AGBL4: variants seen among roughly 807,000 people sequenced by gnomAD.
AGBL4 encodes the protein cytosolic carboxypeptidase 6.
AGBL4 carries 58 observed loss-of-function variants against 66.4 expected under a neutral mutation model. That is an observed-to-expected ratio of 0.87 (90% CI 0.71 to 1.09). AGBL4 has a LOEUF of 1.09. Ranked by LOEUF, AGBL4 falls within the 50% of genes least tolerant of loss-of-function variation. AGBL4 has a pLI of 0.00. For missense variants in AGBL4, 579 were observed against 631.0 expected (o/e 0.92, Z 0.88); for synonymous variants, 234 against 222.9 (o/e 1.05, Z -0.44).
intron 13 of AGBL4, 29 bp from the exon 14 acceptor site, chr1:48,534,322 G>C: frequency 1.9e-6 from 3 of 1,542,908 alleles, no homozygotes; most frequent in Non-Finnish European, 2.6e-6. Flanking sequence ...CAGAAAGAGA[G>C]AAGACAGCCC....
intron 3 of AGBL4, among the ~76,000 whole-genome samples, chr1:49,511,095 C>T (rs1649198318): frequency 6.6e-6 from 1 of 151,840 alleles, no homozygotes; most frequent in South Asian, 2.1e-4. Flanking sequence ...CCCAGCCATC[C>T]CATTACTGGG....
chr1:49,326,428 T>C lies in AGBL4; in HGVS notation c.283-80564A>G, dbSNP rs547290171. On this transcript the variant is annotated intron_variant, in intron 3 of 13. Coordinates refer to ENST00000371839, the MANE Select transcript of AGBL4 (RefSeq NM_032785.4). ...TGAGGTTAATTCTTCAAGGGAATAT[T>C]TGAATAGATAGCCTAAAGCTTAGAG... is the stretch of plus-strand genomic sequence containing the variant. Among the ~76,000 whole-genome samples the C allele has an allele frequency of 2.6e-5, 4 of 152,288 alleles. 1 individual carries two copies. The South Asian group carries it at 8.3e-4, about 32-fold the overall frequency.
At chr1:49,656,624 C>A (rs191836136) in intron 3 of AGBL4, among the ~76,000 whole-genome samples, 1 of 152,216 alleles carries the variant, frequency 6.6e-6, no homozygotes, top group East Asian at 1.9e-4. Context: ...ACTGGCAAAC[C>A]GAATCCAGCA....
At chr1:49,943,350 C>A (rs1177652565) in intron 1 of AGBL4, among the ~76,000 whole-genome samples, 2 of 152,140 alleles carry the variant, frequency 1.3e-5, no homozygotes, top group African/African-American at 4.8e-5. Flanking sequence ...AACTTTTGCT[C>A]TAGAACTACT....
chr1:49,707,706 A>G (rs1021630624), intron 2 of AGBL4, among the ~76,000 whole-genome samples: 2 of 151,734 alleles, frequency 1.3e-5, no homozygotes, highest in Non-Finnish European at 2.9e-5. Flanking sequence ...TTTCCTTCCC[A>G]TATTTAGTGC....
At chr1:48,913,069 T>A (rs1653279887) in intron 5 of AGBL4, among the ~76,000 whole-genome samples, 1 of 152,076 alleles carries the variant, frequency 6.6e-6, no homozygotes, top group Non-Finnish European at 1.5e-5. Context: ...AAGTTTTATA[T>A]CACTACAGGA....
chr1:48,889,633 G>A (rs768242546), intron 5 of AGBL4, among the ~76,000 whole-genome samples: 6 of 152,186 alleles, frequency 3.9e-5, no homozygotes, highest in African/African-American at 7.2e-5. Flanking sequence ...GTTATGAAAT[G>A]TGTCAGATTT....
At chr1:48,612,471 T>C (rs1262360183) in intron 9 of AGBL4, among the ~76,000 whole-genome samples, 2 of 152,192 alleles carry the variant, frequency 1.3e-5, no homozygotes, top group Non-Finnish European at 2.9e-5. Context: ...CAGAATCCAT[T>C]GCAGTTATAG....
chr1:49,188,609 T>G (rs1647057991), intron 4 of AGBL4, among the ~76,000 whole-genome samples: 2 of 151,986 alleles, frequency 1.3e-5, no homozygotes, highest in African/African-American at 4.8e-5. Flanking sequence ...AATAAACAAA[T>G]GAATAAGTGG....
intron 3 of AGBL4, among the ~76,000 whole-genome samples, chr1:49,642,368 T>C (rs1208261066): frequency 2.6e-5 from 4 of 151,990 alleles, no homozygotes; most frequent in African/African-American, 9.7e-5. Context: ...CCCTATTGTC[T>C]GAAGTTTCCA....
At chr1:48,865,661 A>G (rs750885788) in intron 6 of AGBL4, among the ~76,000 whole-genome samples, 4 of 152,182 alleles carry the variant, frequency 2.6e-5, no homozygotes, top group Non-Finnish European at 5.9e-5. Context: ...GGTTGTACAA[A>G]AGAAATGCAC....
At chr1:49,783,102 C>G (rs1007053098) in intron 2 of AGBL4, among the ~76,000 whole-genome samples, 1 of 152,056 alleles carries the variant, frequency 6.6e-6, no homozygotes, top group African/African-American at 2.4e-5. Context: ...TCTTGTACTC[C>G]TCAACCTTCA....
intron 3 of AGBL4, among the ~76,000 whole-genome samples, chr1:49,276,161 A>G (rs1208265787): frequency 6.6e-6 from 1 of 152,068 alleles, no homozygotes; most frequent in Non-Finnish European, 1.5e-5. Flanking sequence ...TAGCTCATCT[A>G]CAAGATCACC....
At chr1:49,961,111 A>G (rs755664620) in intron 1 of AGBL4, among the ~76,000 whole-genome samples, 27 of 152,258 alleles carry the variant, frequency 1.8e-4, no homozygotes, top group Non-Finnish European at 3.5e-4. Context: ...ATAGAAAGAT[A>G]TAATTAGATA....
At chr1:49,701,746 T>C (rs1197840886) in intron 2 of AGBL4, among the ~76,000 whole-genome samples, 2 of 152,032 alleles carry the variant, frequency 1.3e-5, no homozygotes, top group Non-Finnish European at 2.9e-5. Flanking sequence ...ATTGATTGGC[T>C]AACAAAAAAG....
At chr1:48,792,425 T>C (rs755265898) in intron 6 of AGBL4, among the ~76,000 whole-genome samples, 13 of 152,210 alleles carry the variant, frequency 8.5e-5, no homozygotes, top group Non-Finnish European at 1.6e-4. Context: ...TTGGGAGATA[T>C]GCAAGGGAGC....
intron 1 of AGBL4, among the ~76,000 whole-genome samples, chr1:49,885,900 C>G (rs1268015550): frequency 6.6e-6 from 1 of 152,088 alleles, no homozygotes; most frequent in Non-Finnish European, 1.5e-5. Flanking sequence ...AAATGTGGAC[C>G]TAAGGCTGAA....
chr1:48,534,106 T>A lies in AGBL4; in HGVS notation c.*67A>T. On this transcript the variant is annotated 3_prime_UTR_variant, in exon 14 of 14. Coordinates refer to ENST00000371839, the MANE Select transcript of AGBL4 (RefSeq NM_032785.4). ...ATCCTTGGAAGCTAGAGAAGAGTGA[T>A]TAATTTCATTCCCCAGCAGAAAATG... 1 of 1,549,140 alleles carries A rather than the reference T, an allele frequency of 6.5e-7. No individual in the cohort carries two copies.
intron 6 of AGBL4, among the ~76,000 whole-genome samples, chr1:48,694,946 A>G (rs1272502448): frequency 2.0e-5 from 3 of 152,144 alleles, no homozygotes; most frequent in Non-Finnish European, 4.4e-5. Flanking sequence ...TCTTGACCAC[A>G]TTAATTTAAA....
Sources: allele counts gnomAD v4.1 joint callset (sites outside exome capture counted in the v4.1 genomes callset), GRCh38; gene constraint gnomAD v4.1.1; transcripts MANE v1.5; gene names NCBI Gene and HGNC (gene_info 2026-07-23, HGNC 2026-07-21).